ITPR3: variants seen among roughly 807,000 people sequenced by gnomAD.
ITPR3 encodes inositol 1,4,5-trisphosphate-gated calcium channel ITPR3.
A neutral mutation model predicts 293.2 loss-of-function variants in ITPR3; 173 were observed. The observed-to-expected ratio is 0.59, with a 90% confidence interval of 0.52 to 0.67. The LOEUF is 0.67. Ranked by LOEUF, ITPR3 falls within the 30% of genes least tolerant of loss-of-function variation. ITPR3 has a pLI of 0.00. For missense variants in ITPR3, 2,796 were observed against 3,592.1 expected, an observed-to-expected ratio of 0.78 and a Z score of 5.66; for synonymous variants, 1,295 against 1,444.4, an observed-to-expected ratio of 0.90 and a Z score of 2.35.
At chr6:33,674,366 T>C in intron 24 of ITPR3, 101 bp downstream of exon 24, 1 of 1,118,612 alleles carries the variant, frequency 8.9e-7, no homozygotes, top group Non-Finnish European at 1.3e-6. Flanking sequence ...GCTCTTCCTC[T>C]CTGCCATTCC....
At chr6:33,668,705 C>G in intron 17 of ITPR3, 71 bp downstream of exon 17, 1 of 1,603,026 alleles carries the variant, frequency 6.2e-7, no homozygotes, top group Non-Finnish European at 8.5e-7. Context: ...GAGCTTAGGC[C>G]CTGTCTGGGT....
In ITPR3 at chr6:33,678,743, G is replaced by A. The variant is rs778037464; in HGVS notation, c.3876G>A (p.Thr1292=). ...VLQHFVHLLA[T]HGRHVQYLDF... ...AGCACTTCGTGCACCTGCTGGCCAC[G>A]CACGGGCGCCATGTGCAGTACCTGG... Residue 1292 remains threonine, a synonymous_variant, in exon 30 of 58, where the codon ACG becomes ACA. Coordinates refer to ENST00000605930, the MANE Select transcript of ITPR3 (RefSeq NM_002224.4). 39 of 1,613,268 alleles carry A rather than the reference G, an allele frequency of 2.4e-5. No individual in the cohort carries two copies. Among genetic ancestry groups the A allele is most frequent in the African/African-American group, 9.3e-5 (7 of 74,912 alleles).
In ITPR3 at chr6:33,677,090, G is replaced by A. The variant is rs1291494135; in HGVS notation, c.3522+1G>A. The A allele has an allele frequency of 8.7e-6, 14 of 1,613,784 alleles. No individual in the cohort carries two copies. In the East Asian group the frequency reaches 8.9e-5, roughly 10 times the overall value. ...TGAGAACTACCAGATCGTCAAGGGC[G>A]TGAGTGGCCAAGGGTCCTCGGGGTA... On this transcript the variant is annotated splice_donor_variant, in intron 27 of 57. Coordinates refer to ENST00000605930, the MANE Select transcript of ITPR3 (RefSeq NM_002224.4). LOFTEE classifies it high-confidence loss of function.
At chr6:33,652,917 T>A (rs566802477) in intron 2 of ITPR3, among the ~76,000 whole-genome samples, 2 of 151,836 alleles carry the variant, frequency 1.3e-5, no homozygotes, top group Non-Finnish European at 2.9e-5. Context: ...ATATATATAT[T>A]TTAGTTTTTA....
Position 33,652,866 on chromosome 6 carries a change from G to A in ITPR3, c.161-2900G>A, listed in dbSNP as rs150549898. Among the ~76,000 whole-genome samples the A allele has an allele frequency of 6.9e-3, 1,044 of 152,056 alleles. 12 individuals are homozygous for A. The highest frequency in any genetic ancestry group is 0.02 in the Middle Eastern group (6 of 294). On this transcript the variant is annotated intron_variant, in intron 2 of 57. Coordinates refer to ENST00000605930, the MANE Select transcript of ITPR3 (RefSeq NM_002224.4). The stretch of plus-strand genomic sequence containing the variant: ...GGAATGAGGTAGTTTAATGTCCTCA[G>A]TGTGACAAAAAAGAGAAAAGAAAGG...
Position 33,694,976 on chromosome 6 carries a change from A to C in ITPR3, c.7838A>C (p.Asn2613Thr), listed in dbSNP as rs779401104. 2 of 1,614,150 alleles carry C rather than the reference A, an allele frequency of 1.2e-6. No homozygotes were observed. Among genetic ancestry groups the C allele is most frequent in the South Asian group, 2.2e-5 (2 of 91,090 alleles). ...PRMRAMSLVSNEGEGEQNEIR... is the reference protein window; with the variant it reads ...PRMRAMSLVSTEGEGEQNEIR... ...ATGCGGGCCATGTCCCTTGTCAGCA[A>C]TGAGGGCGAGGGGGAGCAGAATGAG... Residue 2613 changes from asparagine to threonine, a missense_variant, in exon 57 of 58, where the codon AAT (asparagine) becomes ACT (threonine). By Grantham distance (65) the Asn-to-Thr change is moderately conservative. This residue lies in a region of ITPR3 where 568 missense variants were observed against 796.1 expected (regional missense o/e 0.71). Transcript: ENST00000605930.
chr6:33,689,413 G>T lies in ITPR3; in HGVS notation c.6867+3G>T, dbSNP rs1488237274. 1.2e-6 allele frequency: 2 copies of T among 1,607,584 alleles called. No homozygotes were observed. The highest frequency in any genetic ancestry group is 1.7e-6 in the Non-Finnish European group (2 of 1,179,660). ...TCAACATCCTGGGTGCCCTCAATGT[G>T]AGTGCCAGAGGGAGCCCCCATTCCC... is the stretch of plus-strand genomic sequence containing the variant. On this transcript the variant is annotated splice_donor_region_variant and intron_variant, in intron 50 of 57. Coordinates refer to ENST00000605930, the MANE Select transcript of ITPR3 (RefSeq NM_002224.4).
In ITPR3 at chr6:33,659,459, T is replaced by C; in HGVS notation, c.628-7T>C. On this transcript the variant is annotated splice_region_variant and splice_polypyrimidine_tract_variant and intron_variant, in intron 6 of 57. Transcript: ENST00000605930. ...CTGGCGTCACGGGTCTTGTCACCCTTCCGCAGGTCAATTCTGTGAACTGCA... is the reference window on the plus strand; with the variant it reads ...CTGGCGTCACGGGTCTTGTCACCCTCCCGCAGGTCAATTCTGTGAACTGCA... 6.2e-7 allele frequency: 1 copy of C among 1,613,842 alleles called. No homozygotes were observed. The highest frequency in any genetic ancestry group is 8.5e-7 in the Non-Finnish European group (1 of 1,179,778).
At chr6:33,625,287 TG>T (rs1277644119) in intron 1 of ITPR3, among the ~76,000 whole-genome samples, 1 of 151,986 alleles carries the variant, frequency 6.6e-6, no homozygotes, top group East Asian at 1.9e-4. Context: ...TGGAGTACAA[TG>T]GGGCGATCTT....
Position 33,691,495 on chromosome 6 carries a change from G to T in ITPR3, c.7226-120G>T. The T allele has an allele frequency of 2.5e-6, 2 of 803,076 alleles. No homozygotes were observed. The highest frequency in any genetic ancestry group is 4.1e-6 in the Non-Finnish European group (2 of 490,068). The allele number at this position is 803,076 out of a possible 1,614,324, so 49.7% of individuals were successfully genotyped here. A position where few individuals can be genotyped will look rare whatever the true frequency, so the allele number is the denominator to read the frequency against. ...GATGACCCTTCACTGTGGCTGGACA[G>T]TGGAGGGCTGGCGATCCAGGACCAG... On this transcript the variant is annotated intron_variant, in intron 52 of 57. Transcript: ENST00000605930. This position sits in a 1 kb window ranked among gnomAD's most constrained non-coding sequence, Gnocchi z 4.9.
Position 33,683,439 on chromosome 6 carries a change from G to C in ITPR3, c.4788+42G>C, listed in dbSNP as rs377713432. The stretch of plus-strand genomic sequence containing the variant: ...CTGGCATCTGCCTCGGGAGCTGCTT[G>C]GTTGAGTCAGCAGCTCCCCTACTTT... On this transcript the variant is annotated intron_variant, in intron 35 of 57. Transcript: ENST00000605930. The surrounding 1 kb of genome is among the most constrained non-coding windows in gnomAD (Gnocchi z 4.5). 5 of 1,427,798 alleles carry C rather than the reference G, an allele frequency of 3.5e-6. No individual in the cohort carries two copies. The highest frequency in any genetic ancestry group is 1.8e-4 in the Middle Eastern group (1 of 5,456). The allele number at this position is 1,427,798 out of a possible 1,614,324, so 88.4% of individuals were successfully genotyped here.
At chr6:33,681,808 A>G (rs1765084283) in intron 33 of ITPR3, among the ~76,000 whole-genome samples, 1 of 151,958 alleles carries the variant, frequency 6.6e-6, no homozygotes, top group African/African-American at 2.4e-5. Flanking sequence ...AACTCTGGTA[A>G]TTGATATCAG....
chr6:33,685,116 G>A (rs1013958119), intron 39 of ITPR3, among the ~76,000 whole-genome samples, 173 bp downstream of exon 39: 1 of 152,192 alleles, frequency 6.6e-6, no homozygotes, highest in Non-Finnish European at 1.5e-5. Context: ...GTGAGGAGAC[G>A]GGCTCAGGCC....
rs1764793807 is a variant in ITPR3 at position 33,672,427 on chromosome 6, G to A, written c.2928+199G>A. On this transcript the variant is annotated intron_variant, in intron 22 of 57. Coordinates refer to ENST00000605930, the MANE Select transcript of ITPR3 (RefSeq NM_002224.4). This position sits in a 1 kb window ranked among gnomAD's most constrained non-coding sequence, Gnocchi z 5.0. ...CCTCACCTGGGAGCTTGTTAGAAGT[G>A]CACATTCTCGGTTGTGCGCAGTGAC... 6.6e-6 allele frequency among the ~76,000 whole-genome samples: 1 copy of A among 152,052 alleles called. No homozygotes were observed. Among genetic ancestry groups the A allele is most frequent in the African/African-American group, 2.4e-5 (1 of 41,370 alleles).
Position 33,669,094 on chromosome 6 carries a change from G to A in ITPR3, c.2127G>A (p.Arg709=). 6.2e-7 allele frequency: 1 copy of A among 1,614,172 alleles called. No homozygotes were observed. Among genetic ancestry groups the A allele is most frequent in the Non-Finnish European group, 8.5e-7 (1 of 1,180,016 alleles). ...KNNEHHEKSV[R]QLAQEARAGN... ...ACGAGCATCATGAGAAGAGTGTGAG[G>A]CAGCTGGCCCAGGAGGCGCGGGCCG... The change falls in exon 18 of 58, where the codon AGG becomes AGA. Residue 709 remains arginine, a synonymous_variant. Coordinates refer to ENST00000605930, the MANE Select transcript of ITPR3 (RefSeq NM_002224.4).
At chr6:33,628,697 G>C (rs1763603015) in intron 1 of ITPR3, among the ~76,000 whole-genome samples, 2 of 152,212 alleles carry the variant, frequency 1.3e-5, no homozygotes, top group Non-Finnish European at 2.9e-5. Flanking sequence ...AGAGGCTTCA[G>C]TGAGGGAGTA....
chr6:33,637,264 A>G (rs1474581834), intron 1 of ITPR3, among the ~76,000 whole-genome samples: 6 of 152,072 alleles, frequency 3.9e-5, no homozygotes, highest in African/African-American at 1.4e-4. Context: ...TTCTGACCAA[A>G]CAGCCATAAA....
intron 1 of ITPR3, among the ~76,000 whole-genome samples, chr6:33,627,896 C>T (rs2151276445): frequency 6.6e-6 from 1 of 152,324 alleles, no homozygotes; most frequent in African/African-American, 2.4e-5. Context: ...GGGGTTGGCT[C>T]AGCCTAGAAC....
intron 13 of ITPR3, 99 bp from the exon 14 acceptor site, chr6:33,665,736 A>C: frequency 7.4e-7 from 1 of 1,355,214 alleles, no homozygotes; most frequent in Non-Finnish European, 1.0e-6. Context: ...CCGCTGAGTG[A>C]ACTCATGAAA....
Sources: gnomAD v4.1 joint callset for allele counts (sites outside exome capture counted in the v4.1 genomes callset) on GRCh38, gnomAD v4.1.1 for gene constraint, gnomAD v4.1.1 regional missense constraint, Gnocchi (gnomAD v3.1) non-coding constraint, MANE v1.5 for transcripts, NCBI Gene and HGNC (gene_info 2026-07-23, HGNC 2026-07-21) for gene names.